ARMH4: variants seen among roughly 807,000 people sequenced by gnomAD.
The protein encoded by ARMH4 is armadillo like helical domain containing 4, also known as armadillo-like helical domain-containing protein 4.
Under a neutral mutation model 61.9 loss-of-function variants are expected in ARMH4, and 49 were observed. That is an observed-to-expected ratio of 0.79 (90% CI 0.63 to 1.00). The LOEUF (loss-of-function observed/expected upper bound fraction) is 1.00, where lower values mean the gene tolerates loss of function less well. ARMH4 is among the 50% of genes least tolerant of loss of function. The pLI, the probability that ARMH4 is intolerant of heterozygous loss-of-function variation, is 0.00. For synonymous variants in ARMH4, 368 were observed against 341.5 expected (o/e 1.08, Z -0.85); for missense variants, 934 against 930.0 (o/e 1.00, Z -0.06).
rs140501709 is a variant in ARMH4, at chr14:58,046,490, G to A, written c.2090-34340C>T. Among the ~76,000 whole-genome samples, 255 of 152,270 alleles carry A rather than the reference G, an allele frequency of 1.7e-3. 2 individuals carry two copies. Among genetic ancestry groups the A allele is most frequent in the Non-Finnish European group, 2.8e-3 (189 of 68,040 alleles). ...GCACAAGTACCATTATGTCAATTTC[G>A]AAGATGAAGACACGGAATCCTAAAA... On this transcript the variant is annotated intron_variant, in intron 5 of 7. Transcript: ENST00000267485.
chr14:58,109,802 T>G (rs1209715155), intron 4 of ARMH4, among the ~76,000 whole-genome samples: 7 of 152,244 alleles, frequency 4.6e-5, no homozygotes, highest in Non-Finnish European at 7.3e-5. Context: ...ATAAAGATAC[T>G]GCCTGAGACT....
At chr14:58,073,821 A>G (rs1884961482) in intron 5 of ARMH4, among the ~76,000 whole-genome samples, 1 of 152,214 alleles carries the variant, frequency 6.6e-6, no homozygotes, top group Admixed American at 6.5e-5. Context: ...GTTATGAACT[A>G]TCCTGAGCCT....
intron 3 of ARMH4, among the ~76,000 whole-genome samples, chr14:58,132,730 C>T (rs997903186): frequency 1.3e-5 from 2 of 151,912 alleles, no homozygotes; most frequent in East Asian, 1.9e-4. Flanking sequence ...GGACTACAGG[C>T]GCCCGCCACC....
intron 5 of ARMH4, among the ~76,000 whole-genome samples, chr14:58,080,911 G>A (rs1423818165): frequency 2.0e-5 from 3 of 151,996 alleles, no homozygotes; most frequent in Non-Finnish European, 4.4e-5. Flanking sequence ...AGACCAGCCT[G>A]GGCAATATGG....
At chr14:58,106,587 C>T (rs370320137) in intron 4 of ARMH4, among the ~76,000 whole-genome samples, 11 of 152,296 alleles carry the variant, frequency 7.2e-5, no homozygotes, top group South Asian at 6.2e-4. Flanking sequence ...TGTGTCTACA[C>T]GGTACCCTCT....
At chr14:58,102,797 G>A (rs1290913882) in intron 4 of ARMH4, among the ~76,000 whole-genome samples, 3 of 117,798 alleles carry the variant, frequency 2.5e-5, no homozygotes, top group African/African-American at 3.3e-5. Context: ...CGGCCTGGGC[G>A]ACAGAGCGAG....
Position 58,139,348 on chromosome 14 carries a change from G to A in ARMH4, c.11C>T (p.Pro4Leu), listed in dbSNP as rs572339718. Residue 4 changes from proline (P) to leucine (L), a missense_variant, in exon 2 of 8, where the codon CCG (proline) becomes CTG (leucine). Pro to Leu is a moderately conservative substitution (Grantham distance 98). Coordinates refer to ENST00000267485, the MANE Select transcript of ARMH4 (RefSeq NM_001001872.4). MRG[P>L]IVLHICLAFC... ...AGCCAGACAAATGTGCAATACAATC[G>A]GTCCTCTCATAGTGGAAGAGAAATG... The A allele has an allele frequency of 5.8e-5, 94 of 1,613,842 alleles. 1 individual carries two copies. The East Asian group carries it at 1.0e-3, about 18-fold the overall frequency.
At chr14:58,067,945 C>G (rs1023613571) in intron 5 of ARMH4, among the ~76,000 whole-genome samples, 24 of 152,180 alleles carry the variant, frequency 1.6e-4, no homozygotes, top group Non-Finnish European at 1.5e-4. Context: ...TCACATTTCT[C>G]TTTGGAAAGT....
chr14:58,132,951 G>A (rs889507220), intron 3 of ARMH4, 139 bp downstream of exon 3: 5 of 891,968 alleles, frequency 5.6e-6, no homozygotes, highest in Non-Finnish European at 8.7e-6. Context: ...CCCTTTCCAG[G>A]TAAAGGTGTG....
At chr14:58,116,391 T>C (rs1031429041) in intron 4 of ARMH4, 10 of 380,538 alleles carry the variant, frequency 2.6e-5, no homozygotes, top group African/African-American at 1.9e-4. Flanking sequence ...AAATATTTTC[T>C]TGGCTGGGTG....
At chr14:58,091,626 A>C (rs772806911) in intron 5 of ARMH4, among the ~76,000 whole-genome samples, 5 of 152,224 alleles carry the variant, frequency 3.3e-5, no homozygotes, top group Non-Finnish European at 2.9e-5. Context: ...ATCTTTGGTC[A>C]TACTGATTTT....
chr14:58,098,833 C>T (rs1000851056), intron 4 of ARMH4, among the ~76,000 whole-genome samples: 26 of 151,194 alleles, frequency 1.7e-4, no homozygotes, highest in African/African-American at 6.3e-4. Context: ...ACAGGTAGTA[C>T]TGACTTATAT....
intron 5 of ARMH4, among the ~76,000 whole-genome samples, chr14:58,078,425 C>T (rs1172761789): frequency 6.6e-6 from 1 of 152,216 alleles, no homozygotes; most frequent in Non-Finnish European, 1.5e-5. Flanking sequence ...GCCACCTCCC[C>T]ACACAAAAGT....
In ARMH4 at chr14:58,112,215, T is replaced by C. The variant is rs114300943; in HGVS notation, c.1832-15234A>G. ...GCTAACATCATAATTAGCCCACTTG[T>C]ATTTATTGTCATTATTGATATATTT... On this transcript the variant is annotated intron_variant, in intron 4 of 7. Coordinates refer to ENST00000267485, the MANE Select transcript of ARMH4 (RefSeq NM_001001872.4). Among the ~76,000 whole-genome samples, 1,153 of 152,254 alleles carry C rather than the reference T, an allele frequency of 7.6e-3. 11 individuals carry two copies. Among genetic ancestry groups the C allele is most frequent in the African/African-American group, 0.026 (1,098 of 41,538 alleles).
intron 5 of ARMH4, among the ~76,000 whole-genome samples, chr14:58,070,907 T>G (rs1884863293): frequency 6.6e-6 from 1 of 152,128 alleles, no homozygotes; most frequent in African/African-American, 2.4e-5. Context: ...CTACTCTCTA[T>G]GTGCATGAGT....
chr14:58,073,857 C>T (rs533302055), intron 5 of ARMH4, among the ~76,000 whole-genome samples: 1 of 152,274 alleles, frequency 6.6e-6, no homozygotes, highest in South Asian at 2.1e-4. Flanking sequence ...TAAATGGTAA[C>T]ACTAATAACT....
chr14:58,136,464 A>T (rs922556195), intron 2 of ARMH4, among the ~76,000 whole-genome samples: 1 of 152,184 alleles, frequency 6.6e-6, no homozygotes, highest in Non-Finnish European at 1.5e-5. Flanking sequence ...ACCAACTTAC[A>T]AGACATTTTA....
intron 5 of ARMH4, among the ~76,000 whole-genome samples, chr14:58,053,072 C>T (rs780138275): frequency 2.6e-5 from 4 of 152,166 alleles, no homozygotes; most frequent in Non-Finnish European, 5.9e-5. Context: ...TGAATCCATC[C>T]ACTCTTCTTC....
intron 5 of ARMH4, among the ~76,000 whole-genome samples, chr14:58,027,124 C>T (rs934791357): frequency 6.6e-6 from 1 of 152,226 alleles, no homozygotes; most frequent in African/African-American, 2.4e-5. Flanking sequence ...CCAAGCTGCA[C>T]ACTCAAGAGA....
Sources: gnomAD v4.1 joint callset for allele counts (sites outside exome capture counted in the v4.1 genomes callset) on GRCh38, gnomAD v4.1.1 for gene constraint, MANE v1.5 for transcripts, NCBI Gene and HGNC (gene_info 2026-07-23, HGNC 2026-07-21) for gene names.